The following TMPRSS15 variants were observed in gnomAD, a reference collection of about 807,000 sequenced individuals.
TMPRSS15 encodes the protein transmembrane serine protease 15, also known as enteropeptidase.
In TMPRSS15, 128 loss-of-function variants were observed where a neutral mutation model predicts 125.3. The ratio of observed to expected loss-of-function variants is 1.02; its 90% CI spans 0.89 to 1.18. The LOEUF (loss-of-function observed/expected upper bound fraction) is 1.18, where lower values mean the gene tolerates loss of function less well. Among genes scored for constraint, TMPRSS15 ranks in the 50% most tolerant of loss-of-function variants. TMPRSS15 has a pLI of 0.00. For synonymous variants in TMPRSS15, 446 were observed against 423.2 expected, an observed-to-expected ratio of 1.05 and a Z score of -0.66; for missense variants, 1,283 against 1,212.7, an observed-to-expected ratio of 1.06 and a Z score of -0.86.
At chr21:18,274,742 G>T (rs998034375) in intron 24 of TMPRSS15, among the ~76,000 whole-genome samples, 2 of 152,208 alleles carry the variant, frequency 1.3e-5, no homozygotes, top group African/African-American at 4.8e-5. Context: ...TCAGGTTACT[G>T]CACGCCTGGA....
intron 1 of TMPRSS15, among the ~76,000 whole-genome samples, chr21:18,426,641 G>A (rs1212531341): frequency 6.6e-6 from 1 of 152,094 alleles, no homozygotes; most frequent in Non-Finnish European, 1.5e-5. Context: ...AGTTAATAGA[G>A]GACTTTAGTA....
intron 1 of TMPRSS15, among the ~76,000 whole-genome samples, chr21:18,440,744 T>A (rs1247068009): frequency 6.6e-6 from 1 of 152,216 alleles, no homozygotes; most frequent in Non-Finnish European, 1.5e-5. Context: ...GACCTGTTCA[T>A]GTAAATAAAT....
intron 14 of TMPRSS15, among the ~76,000 whole-genome samples, chr21:18,330,093 C>T (rs2075330123): frequency 6.6e-6 from 1 of 152,152 alleles, no homozygotes; most frequent in Admixed American, 6.5e-5. Context: ...AGTGGCACTA[C>T]TAATCATCCA....
intron 1 of TMPRSS15, among the ~76,000 whole-genome samples, chr21:18,429,698 C>T (rs1169269337): frequency 1.3e-5 from 2 of 152,198 alleles, no homozygotes; most frequent in East Asian, 1.9e-4. Flanking sequence ...AATTAAACCT[C>T]TTTTTCTTCC....
chr21:18,302,988 A>G (rs888747542), intron 18 of TMPRSS15, among the ~76,000 whole-genome samples: 1 of 152,210 alleles, frequency 6.6e-6, no homozygotes, highest in Non-Finnish European at 1.5e-5. Flanking sequence ...TTCTCAGTGC[A>G]TTATCACTTT....
chr21:18,280,866 G>C (rs1411544229), intron 22 of TMPRSS15, among the ~76,000 whole-genome samples, 174 bp downstream of exon 22: 1 of 152,088 alleles, frequency 6.6e-6, no homozygotes, highest in Non-Finnish European at 1.5e-5. Flanking sequence ...ACATCCTGAT[G>C]AAAGAAATTT....
At chr21:18,279,311 CTTTTTTTTTTTTTTTTTTTT>C (rs71189593) in intron 22 of TMPRSS15, among the ~76,000 whole-genome samples, 1 of 41,094 alleles carries the variant, frequency 2.4e-5, no homozygotes, top group African/African-American at 7.3e-5. Context: ...CCTCGTTACT[CTTTTTTTTTTTTTTTTTTTT>C]TTTTTTTTTT....
intron 18 of TMPRSS15, among the ~76,000 whole-genome samples, chr21:18,304,825 T>C (rs1012612595): frequency 6.6e-6 from 1 of 152,214 alleles, no homozygotes; most frequent in African/African-American, 2.4e-5. Context: ...ATTTCCTTTG[T>C]AGTTCTGTGT....
At chr21:18,449,893 A>G (rs1156430958) in intron 1 of TMPRSS15, among the ~76,000 whole-genome samples, 1 of 151,718 alleles carries the variant, frequency 6.6e-6, no homozygotes, top group African/African-American at 2.4e-5. Flanking sequence ...ACACACACAC[A>G]CACACACCTA....
In TMPRSS15 at chr21:18,425,848, T is replaced by C. The variant is rs191451994; in HGVS notation, c.11-27519A>G. Among the ~76,000 whole-genome samples, 1,449 of 152,222 alleles carry C rather than the reference T, an allele frequency of 9.5e-3. 8 individuals are homozygous for C. The highest frequency in any genetic ancestry group is 0.013 in the Non-Finnish European group (908 of 67,946). ...CAGTATTCTGGGCTTCAAGCACTCTTGCTGTAAAAAACCCTTAATAACCTA... is the reference window on the plus strand; with the variant it reads ...CAGTATTCTGGGCTTCAAGCACTCTCGCTGTAAAAAACCCTTAATAACCTA... On this transcript the variant is annotated intron_variant, in intron 1 of 7. Transcript: ENST00000422787.
At chr21:18,432,147 C>T (rs1189107607) in intron 1 of TMPRSS15, among the ~76,000 whole-genome samples, 5 of 152,052 alleles carry the variant, frequency 3.3e-5, no homozygotes, top group African/African-American at 9.7e-5. Context: ...TTCTCTTACA[C>T]TTGGGTTTCT....
At chr21:18,326,959 G>A (rs747921345) in intron 15 of TMPRSS15, among the ~76,000 whole-genome samples, 1 of 152,054 alleles carries the variant, frequency 6.6e-6, no homozygotes, top group Non-Finnish European at 1.5e-5. Flanking sequence ...AACATATTCA[G>A]TATTTTTTTG....
chr21:18,365,809 T>A (rs1230992399), intron 6 of TMPRSS15, among the ~76,000 whole-genome samples: 2 of 146,820 alleles, frequency 1.4e-5, no homozygotes, highest in African/African-American at 5.0e-5. Flanking sequence ...AACGGCGCGA[T>A]CTCGGCTCAC....
intron 19 of TMPRSS15, 77 bp from the exon 20 acceptor site, chr21:18,294,729 A>G (rs2074881725): frequency 7.5e-7 from 1 of 1,325,214 alleles, no homozygotes; most frequent in South Asian, 1.2e-5. Context: ...AGGTTATCCT[A>G]CTTTTGCTTT....
At chr21:18,304,134 G>A (rs191940885) in intron 18 of TMPRSS15, among the ~76,000 whole-genome samples, 3 of 152,258 alleles carry the variant, frequency 2.0e-5, no homozygotes, top group African/African-American at 7.2e-5. Context: ...GCCAGGGTTC[G>A]TGGGGGTCTG....
At chr21:18,294,091 A>T (rs936928345) in intron 21 of TMPRSS15, among the ~76,000 whole-genome samples, 179 bp downstream of exon 21, 5 of 152,260 alleles carry the variant, frequency 3.3e-5, no homozygotes, top group Non-Finnish European at 5.9e-5. Flanking sequence ...ATAATTTTTT[A>T]AAATGTATCT....
chr21:18,439,117 G>T (rs1395287615), intron 1 of TMPRSS15, among the ~76,000 whole-genome samples: 1 of 152,142 alleles, frequency 6.6e-6, no homozygotes, highest in Non-Finnish European at 1.5e-5. Context: ...AGAAATTACT[G>T]CTGGCCATTT....
At chr21:18,463,277 A>G (rs1420731032) in intron 1 of TMPRSS15, among the ~76,000 whole-genome samples, 2 of 127,422 alleles carry the variant, frequency 1.6e-5, no homozygotes, top group African/African-American at 3.1e-5. Flanking sequence ...AAAAAAAAAA[A>G]GCCGGGGGTG....
intron 18 of TMPRSS15, among the ~76,000 whole-genome samples, chr21:18,306,521 T>A (rs1381515702): frequency 6.6e-6 from 1 of 152,198 alleles, no homozygotes; most frequent in African/African-American, 2.4e-5. Context: ...ATGTTCCTGA[T>A]ATTTAGAAGT....
Sources: allele counts gnomAD v4.1 joint callset (sites outside exome capture counted in the v4.1 genomes callset), GRCh38; gene constraint gnomAD v4.1.1; transcripts MANE v1.5; gene names NCBI Gene and HGNC (gene_info 2026-07-23, HGNC 2026-07-21).